The following DPYD variants were observed in gnomAD, a reference collection of about 807,000 sequenced individuals.
DPYD encodes dihydropyrimidine dehydrogenase [NADP(+)].
DPYD carries 109 observed loss-of-function variants against 116.2 expected under a neutral mutation model. The ratio of observed to expected loss-of-function variants is 0.94; its 90% CI spans 0.80 to 1.10. The LOEUF (loss-of-function observed/expected upper bound fraction) is 1.10, where lower values mean the gene tolerates loss of function less well. Among genes scored for constraint, DPYD ranks in the 50% least tolerant of loss-of-function variants. The pLI is 0.00. For synonymous variants in DPYD, 440 were observed against 432.0 expected (o/e 1.02, Z -0.23); for missense variants, 1,302 against 1,254.5 (o/e 1.04, Z -0.57).
chr1:97,840,823 A>AT (rs1398943293), intron 2 of DPYD, among the ~76,000 whole-genome samples: 3 of 152,086 alleles, frequency 2.0e-5, no homozygotes, highest in African/African-American at 7.2e-5. Context: ...CAATAGGTTT[A>AT]TTTCAGTGAT....
intron 20 of DPYD, among the ~76,000 whole-genome samples, chr1:97,152,964 G>A (rs1655144583): frequency 6.6e-6 from 1 of 152,086 alleles, no homozygotes; most frequent in South Asian, 2.1e-4. Flanking sequence ...TTAATGGTCT[G>A]TAAAACACTT....
chr1:97,241,546 GAAGTGACAATGCAGCAATTACCA>G (rs1662342627), intron 18 of DPYD, among the ~76,000 whole-genome samples: 1 of 151,914 alleles, frequency 6.6e-6, no homozygotes, highest in Admixed American at 6.6e-5. Context: ...TTATTATTGA[GAAGTGACAATGCAGCAATTACCA>G]AAAGAACCAT....
At chr1:97,786,668 A>C (rs1488586826) in intron 3 of DPYD, among the ~76,000 whole-genome samples, 1 of 152,240 alleles carries the variant, frequency 6.6e-6, no homozygotes, top group African/African-American at 2.4e-5. Flanking sequence ...TTACACCTAA[A>C]GAGCAGCACT....
intron 8 of DPYD, among the ~76,000 whole-genome samples, chr1:97,663,035 C>A (rs1659357341): frequency 6.6e-6 from 1 of 152,116 alleles, no homozygotes; most frequent in Non-Finnish European, 1.5e-5. Context: ...CTATTACTCC[C>A]AACAATCATG....
chr1:97,165,851 C>A (rs10875052), intron 20 of DPYD, among the ~76,000 whole-genome samples: 20,189 of 151,800 alleles, frequency 0.13, 1,634 homozygotes, highest in East Asian at 0.29. Context: ...TAGATAAATG[C>A]AAATCAAAAC....
At chr1:97,748,377 G>C (rs777683938) in intron 3 of DPYD, among the ~76,000 whole-genome samples, 2 of 152,110 alleles carry the variant, frequency 1.3e-5, no homozygotes, top group Non-Finnish European at 2.9e-5. Context: ...GGGAGGCCAC[G>C]GCGGGCGGAT....
intron 11 of DPYD, among the ~76,000 whole-genome samples, chr1:97,568,440 A>G (rs552729230): frequency 3.3e-5 from 5 of 152,220 alleles, no homozygotes; most frequent in Admixed American, 1.3e-4. Flanking sequence ...TATTCATACT[A>G]TAGTCATCCC....
At chr1:97,390,056 A>G (rs72728456) in intron 14 of DPYD, among the ~76,000 whole-genome samples, 11,068 of 152,114 alleles carry the variant, frequency 0.073, 487 homozygotes, top group African/African-American at 0.12. Context: ...AATTAAGGTG[A>G]AGAACAACAT....
chr1:97,620,552 T>G (rs1656573968), intron 8 of DPYD, among the ~76,000 whole-genome samples: 1 of 152,152 alleles, frequency 6.6e-6, no homozygotes, highest in African/African-American at 2.4e-5. Context: ...ATCTCATAGG[T>G]TATTAACCAT....
intron 7 of DPYD, among the ~76,000 whole-genome samples, chr1:97,680,499 T>C (rs1384057126): frequency 6.6e-6 from 1 of 152,166 alleles, no homozygotes; most frequent in Non-Finnish European, 1.5e-5. Context: ...ATAGACTGCA[T>C]GTGGCCATTG....
chr1:97,913,334 T>G (rs1230620373), intron 1 of DPYD, among the ~76,000 whole-genome samples: 13 of 152,140 alleles, frequency 8.5e-5, no homozygotes, highest in Non-Finnish European at 1.5e-5. Flanking sequence ...TATCTCAGCA[T>G]TTCCTTAATA....
intron 11 of DPYD, among the ~76,000 whole-genome samples, chr1:97,553,591 T>A (rs1482193911): frequency 1.3e-5 from 2 of 152,106 alleles, no homozygotes; most frequent in Non-Finnish European, 2.9e-5. Flanking sequence ...TATATTTACA[T>A]CTGCAAACCA....
At chr1:97,269,092 T>C (rs1289117396) in intron 18 of DPYD, among the ~76,000 whole-genome samples, 2 of 152,170 alleles carry the variant, frequency 1.3e-5, no homozygotes, top group Non-Finnish European at 2.9e-5. Flanking sequence ...GTTTAGATAG[T>C]TCTTCTTAAG....
At chr1:97,783,843 G>A (rs1183708173) in intron 3 of DPYD, among the ~76,000 whole-genome samples, 1 of 152,168 alleles carries the variant, frequency 6.6e-6, no homozygotes, top group Non-Finnish European at 1.5e-5. Context: ...TAAATCCCAA[G>A]TCTAACCCAA....
intron 2 of DPYD, among the ~76,000 whole-genome samples, chr1:97,874,156 T>C (rs1401225054): frequency 1.3e-5 from 2 of 151,886 alleles, no homozygotes; most frequent in East Asian, 3.9e-4. Flanking sequence ...TGTTACAGAG[T>C]ACAGCACTGT....
chr1:97,683,760 T>C (rs926146299), intron 7 of DPYD, among the ~76,000 whole-genome samples: 1 of 151,942 alleles, frequency 6.6e-6, no homozygotes, highest in Non-Finnish European at 1.5e-5. Context: ...CTTGATAAAT[T>C]TAAAAAATGC....
intron 7 of DPYD, among the ~76,000 whole-genome samples, chr1:97,690,863 T>A (rs1445067211): frequency 6.6e-6 from 1 of 152,148 alleles, no homozygotes; most frequent in Non-Finnish European, 1.5e-5. Flanking sequence ...AACGTAATTA[T>A]AAATATAAAC....
intron 8 of DPYD, among the ~76,000 whole-genome samples, chr1:97,619,219 T>C (rs1168375661): frequency 6.6e-6 from 1 of 152,202 alleles, no homozygotes; most frequent in Non-Finnish European, 1.5e-5. Context: ...TCATAAAATA[T>C]TTTCCTTTCT....
chr1:97,199,943 T>C (rs1274223638), intron 19 of DPYD, among the ~76,000 whole-genome samples: 4 of 152,112 alleles, frequency 2.6e-5, no homozygotes, highest in African/African-American at 9.7e-5. Flanking sequence ...GTTTTGCCTA[T>C]TAAAAAAAAG....
Sources: allele counts gnomAD v4.1 joint callset (sites outside exome capture counted in the v4.1 genomes callset), GRCh38; gene constraint gnomAD v4.1.1; transcripts MANE v1.5; gene names NCBI Gene and HGNC (gene_info 2026-07-23, HGNC 2026-07-21).